AFG3L2: variants seen among roughly 807,000 people sequenced by gnomAD.
The protein encoded by AFG3L2 is mitochondrial inner membrane m-AAA protease component AFG3L2.
Under a neutral mutation model 94.5 loss-of-function variants are expected in AFG3L2, and 54 were observed. That is an observed-to-expected ratio of 0.57 (90% confidence interval 0.46 to 0.72). AFG3L2 has a LOEUF of 0.72. AFG3L2 is among the 30% of genes least tolerant of loss of function. The pLI, the probability that AFG3L2 is intolerant of heterozygous loss-of-function variation, is 0.00. For synonymous variants in AFG3L2, 377 were observed against 365.5 expected (o/e 1.03, Z -0.36); for missense variants, 754 against 994.9 (o/e 0.76, Z 3.26).
chr18:12,370,519 G>A (rs934058212), intron 3 of AFG3L2, among the ~76,000 whole-genome samples: 2 of 142,772 alleles, frequency 1.4e-5, no homozygotes, highest in African/African-American at 5.3e-5. Flanking sequence ...TGCCCAGGCT[G>A]GAGTGCAGTG....
At chr18:12,357,065 CT>C (rs1311422674) in intron 8 of AFG3L2, among the ~76,000 whole-genome samples, 2 of 151,844 alleles carry the variant, frequency 1.3e-5, no homozygotes, top group African/African-American at 4.8e-5. Flanking sequence ...AAAATATTTC[CT>C]TTTTTTCCTA....
chr18:12,351,781 A>C (rs566027880), intron 10 of AFG3L2, among the ~76,000 whole-genome samples: 1 of 152,294 alleles, frequency 6.6e-6, no homozygotes, highest in East Asian at 1.9e-4. Context: ...ACCTAACCTC[A>C]GGTGATCCAC....
In AFG3L2 at chr18:12,344,244, A is replaced by G. The variant is rs1339626496; in HGVS notation, c.1667T>C (p.Leu556Ser). The change falls in exon 14 of 17, where the codon TTA (leucine) becomes TCA (serine). Residue 556 changes from leucine (L) to serine (S), a missense_variant. Leu to Ser is a moderately radical substitution (Grantham distance 145). Coordinates refer to ENST00000269143, the MANE Select transcript of AFG3L2 (RefSeq NM_006796.3). ...EQAIERVIGG[L>S]EKKTQVLQPE... ...CTGCAGAACCTGCGTTTTCTTCTCT[A>G]AGCCTAACAAAATAACAACAAAAAA... 2.5e-6 allele frequency: 4 copies of G among 1,613,332 alleles called. No individual in the cohort carries two copies. The highest frequency in any genetic ancestry group is 3.4e-6 in the Non-Finnish European group (4 of 1,179,280).
chr18:12,361,260 C>G (rs1028276675), intron 6 of AFG3L2, among the ~76,000 whole-genome samples: 6 of 152,138 alleles, frequency 3.9e-5, no homozygotes, highest in African/African-American at 1.4e-4. Flanking sequence ...GGCCCAGCTA[C>G]TTGGGAGGCA....
chr18:12,333,269 TAA>T (rs1907635913), intron 16 of AFG3L2, among the ~76,000 whole-genome samples: 1 of 128,660 alleles, frequency 7.8e-6, no homozygotes, highest in African/African-American at 2.9e-5. Context: ...TTATATATTA[TAA>T]ATATAGATTA....
intron 5 of AFG3L2, among the ~76,000 whole-genome samples, chr18:12,366,261 T>G (rs1301820676): frequency 6.6e-6 from 1 of 152,218 alleles, no homozygotes; most frequent in Non-Finnish European, 1.5e-5. Context: ...TGTCATAATT[T>G]CATCAGCATC....
Position 12,370,909 on chromosome 18 carries a change from G to A in AFG3L2, c.232C>T (p.Pro78Ser), listed in dbSNP as rs1484913978. ...RPPKGFEKYF[P>S]NGKNGKKASE... ...GCTTTTTTTCCATTTTTTCCATTAG[G>A]AAAGTATTTTTCAAATCCTGTTAGA... The change falls in exon 3 of 17, where the codon CCT becomes TCT. Residue 78 changes from proline to serine, a missense_variant. Transcript: ENST00000269143. 10 of 1,570,644 alleles carry A rather than the reference G, an allele frequency of 6.4e-6. 2 individuals are homozygous for A. In the South Asian group the frequency reaches 9.0e-5, roughly 14 times the overall value.
chr18:12,355,914 C>T (rs1330360587), intron 9 of AFG3L2, among the ~76,000 whole-genome samples: 1 of 152,064 alleles, frequency 6.6e-6, no homozygotes, highest in African/African-American at 2.4e-5. Context: ...CCTCCTGATC[C>T]GCCTGCCTTG....
chr18:12,368,569 T>C (rs1374462849), intron 3 of AFG3L2, among the ~76,000 whole-genome samples: 7 of 152,200 alleles, frequency 4.6e-5, no homozygotes, highest in Non-Finnish European at 7.3e-5. Flanking sequence ...GTTGTTGTTT[T>C]AGACGGAGTT....
rs1568147292 is a variant in AFG3L2 at position 12,371,658 on chromosome 18, T to C, written c.148A>G (p.Ser50Gly). 2.5e-6 allele frequency: 4 copies of C among 1,614,140 alleles called. No homozygotes were observed. Among genetic ancestry groups the C allele is most frequent in the South Asian group, 1.1e-5 (1 of 91,082 alleles). ...ATATCTGTCAAAAGAGAATTTCTGCTGGCCCTTGCTTGAGTTGTAACAAAT... is the reference window on the plus strand; with the variant it reads ...ATATCTGTCAAAAGAGAATTTCTGCCGGCCCTTGCTTGAGTTGTAACAAAT... Reference protein sequence around the residue: ...YRFVTTQARASRNSLLTDIIA... With the variant: ...YRFVTTQARAGRNSLLTDIIA... The change falls in exon 2 of 17, where the codon AGC (serine) becomes GGC (glycine). Residue 50 changes from serine to glycine, a missense_variant. Physicochemically the swap from Ser to Gly is moderately conservative, Grantham distance 56 (BLOSUM62 0). Transcript: ENST00000269143.
intron 1 of AFG3L2, among the ~76,000 whole-genome samples, chr18:12,372,032 G>A (rs1189881043): frequency 1.3e-5 from 2 of 152,162 alleles, no homozygotes; most frequent in Admixed American, 1.3e-4. Flanking sequence ...CTGGCCAGGC[G>A]CAGTGGCTCA....
intron 9 of AFG3L2, 36 bp from the exon 10 acceptor site, chr18:12,353,194 G>A: frequency 6.2e-7 from 1 of 1,610,896 alleles, no homozygotes; most frequent in Non-Finnish European, 8.5e-7. Context: ...CCTGACCAGA[G>A]AATATTATGT....
chr18:12,371,214 T>C (rs1908978361), intron 2 of AFG3L2, among the ~76,000 whole-genome samples: 1 of 151,182 alleles, frequency 6.6e-6, no homozygotes, highest in Non-Finnish European at 1.5e-5. Context: ...CTCGGGAGGC[T>C]GAGGCAGGAG....
chr18:12,329,843 TA>T, intron 16 of AFG3L2, 60 bp from the exon 17 acceptor site: 1 of 1,447,484 alleles, frequency 6.9e-7, no homozygotes, highest in East Asian at 2.3e-5. Flanking sequence ...TCAGAAATAT[TA>T]ATTTTTTATT....
At chr18:12,364,329 A>G (rs1204779771) in intron 5 of AFG3L2, among the ~76,000 whole-genome samples, 4 of 152,178 alleles carry the variant, frequency 2.6e-5, no homozygotes, top group African/African-American at 9.6e-5. Context: ...AGCCTGTTAC[A>G]CATTTCTCAC....
chr18:12,361,719 G>A lies in AFG3L2; in HGVS notation c.628-1668C>T, dbSNP rs533798825. On this transcript the variant is annotated intron_variant, in intron 6 of 16. Coordinates refer to ENST00000269143, the MANE Select transcript of AFG3L2 (RefSeq NM_006796.3). ...GCATATCCTTCCAACCAGTGTTACT[G>A]AGTGAGGAACATTACTTTGGTATTT... Among the ~76,000 whole-genome samples the A allele has an allele frequency of 2.0e-5, 3 of 152,334 alleles. No homozygotes were observed. In the South Asian group the frequency reaches 6.2e-4, roughly 32 times the overall value.
chr18:12,367,474 T>C (rs1305054777), intron 3 of AFG3L2, 92 bp from the exon 4 acceptor site: 34 of 1,183,898 alleles, frequency 2.9e-5, no homozygotes, highest in Middle Eastern at 1.9e-4. Context: ...AAAAGACTCA[T>C]TGCAGAATAC....
intron 5 of AFG3L2, among the ~76,000 whole-genome samples, chr18:12,364,575 C>T (rs1271206612): frequency 6.6e-6 from 1 of 152,134 alleles, no homozygotes; most frequent in Non-Finnish European, 1.5e-5. Flanking sequence ...ATAGGACATA[C>T]CAACATTTGG....
intron 16 of AFG3L2, among the ~76,000 whole-genome samples, chr18:12,332,940 C>CACATACTATATAAT (rs1907588964): frequency 6.2e-5 from 7 of 112,216 alleles, no homozygotes; most frequent in Admixed American, 5.0e-4. Flanking sequence ...TACTATATAA[C>CACATACTATATAAT]ATATAATATA....
Sources: gnomAD v4.1 joint callset for allele counts (sites outside exome capture counted in the v4.1 genomes callset) on GRCh38, gnomAD v4.1.1 for gene constraint, MANE v1.5 for transcripts, NCBI Gene and HGNC (gene_info 2026-07-23, HGNC 2026-07-21) for gene names.